OR6C3: variants seen among roughly 807,000 people sequenced by gnomAD.
OR6C3 encodes olfactory receptor family 6 subfamily C member 3.
For missense variants in OR6C3, 487 were observed against 364.6 expected, an observed-to-expected ratio of 1.34 and a Z score of -2.73; for synonymous variants, 177 against 137.4, an observed-to-expected ratio of 1.29 and a Z score of -2.02.
Position 55,331,753 on chromosome 12 carries a change from C to T in OR6C3, c.53C>T (p.Pro18Leu), listed in dbSNP as rs1414405074. ...GTCCTCCTGGGCCTTTCTGATGATC[C>T]TGACCTTCAGATTGTGATTTTTCTC... Reference protein sequence around the residue: ...EFVLLGLSDDPDLQIVIFLFL... With the variant: ...EFVLLGLSDDLDLQIVIFLFL... Residue 18 changes from proline (P) to leucine (L), a missense_variant, in exon 2 of 2, where the codon CCT becomes CTT. Coordinates refer to ENST00000641740, the MANE Select transcript of OR6C3 (RefSeq NM_001388498.1). 2 of 1,613,820 alleles carry T rather than the reference C, an allele frequency of 1.2e-6. No homozygotes were observed. The highest frequency in any genetic ancestry group is 1.7e-6 in the Non-Finnish European group (2 of 1,179,760).
rs1346963436 is a variant in OR6C3, at chr12:55,332,279, A to G, written c.579A>G (p.Glu193=). Residue 193 remains glutamate (E), a synonymous_variant, in exon 2 of 2, where the codon GAA becomes GAG. Transcript: ENST00000641740. The part of the protein sequence containing the change: ...QLSCSDTWLL[E]VIGFYFALVT... ...CTTGTTCAGATACATGGCTCCTAGA[A>G]GTAATTGGTTTTTACTTTGCTTTGG... is the stretch of plus-strand genomic sequence containing the variant. 1 of 1,614,034 alleles carries G rather than the reference A, an allele frequency of 6.2e-7. No homozygotes were observed.
intron 1 of OR6C3, among the ~76,000 whole-genome samples, chr12:55,331,122 T>G (rs1409407466): frequency 1.3e-5 from 2 of 151,296 alleles, no homozygotes; most frequent in African/African-American, 4.8e-5. Context: ...AAAAATAAAA[T>G]GAATAAATAA....
At position 55,332,394 on chromosome 12, in the gene OR6C3, A is replaced by G; in HGVS notation, c.694A>G (p.Lys232Glu). 6 of 1,614,142 alleles carry G rather than the reference A, an allele frequency of 3.7e-6. No individual in the cohort carries two copies. The East Asian group carries it at 1.1e-4, about 30-fold the overall frequency. The change falls in exon 2 of 2, where the codon AAA (lysine) becomes GAA (glutamate). Residue 232 changes from lysine to glutamate, a missense_variant. By Grantham distance (56) the Lys-to-Glu change is moderately conservative. Coordinates refer to ENST00000641740, the MANE Select transcript of OR6C3 (RefSeq NM_001388498.1). ...ILRIPSASQR[K>E]KAFSTCSSHM... ...GAGAATCCCGTCTGCCAGTCAAAGAAAAAAGGCTTTCTCCACTTGTTCTTC... is the reference window on the plus strand; with the variant it reads ...GAGAATCCCGTCTGCCAGTCAAAGAGAAAAGGCTTTCTCCACTTGTTCTTC...
Position 55,332,600 on chromosome 12 carries a change from T to A in OR6C3, c.900T>A (p.Asn300Lys). 1 of 1,604,836 alleles carries A rather than the reference T, an allele frequency of 6.2e-7. No homozygotes were observed. The highest frequency in any genetic ancestry group is 8.5e-7 in the Non-Finnish European group (1 of 1,178,210). The change falls in exon 2 of 2, where the codon AAT becomes AAA. Residue 300 changes from asparagine (N) to lysine (K), a missense_variant. Asn to Lys is a moderately conservative substitution (Grantham distance 94, BLOSUM62 0). Coordinates refer to ENST00000641740, the MANE Select transcript of OR6C3 (RefSeq NM_001388498.1). ...RNQQVKQAFK[N>K]VVHKVVFYAN... is the part of the protein sequence containing the mutation. ...AGCAAGTAAAACAAGCCTTCAAAAA[T>A]GTGGTCCACAAAGTTGTGTTTTATG...
Position 55,331,951 on chromosome 12 carries a change from C to A in OR6C3, c.251C>A (p.Thr84Asn), listed in dbSNP as rs781007293. 5.6e-6 allele frequency: 9 copies of A among 1,614,066 alleles called. No homozygotes were observed. The Middle Eastern group carries it at 4.9e-4, about 89-fold the overall frequency. ...CCCAGATTTCTGGGGGCAATTATCACCAGGAATAAGACTATTTCCTATAAC... is the reference window on the plus strand; with the variant it reads ...CCCAGATTTCTGGGGGCAATTATCAACAGGAATAAGACTATTTCCTATAAC... The part of the protein sequence containing the change: ...CIPRFLGAII[T>N]RNKTISYNNC... The change falls in exon 2 of 2, where the codon ACC becomes AAC. Residue 84 changes from threonine (T) to asparagine (N), a missense_variant. Coordinates refer to ENST00000641740, the MANE Select transcript of OR6C3 (RefSeq NM_001388498.1).
chr12:55,331,156 A>G (rs1375695039), intron 1 of OR6C3, among the ~76,000 whole-genome samples: 1 of 151,496 alleles, frequency 6.6e-6, no homozygotes, highest in Non-Finnish European at 1.5e-5. Flanking sequence ...TAATATAAAT[A>G]TATGTTTTAT....
chr12:55,332,006 C>T lies in OR6C3; in HGVS notation c.306C>T (p.Ile102=). Reference sequence around the variant, plus strand: ...GTGCAGCCCAACTCTTTTTCTTTATCTTCATGGGGGTGACTGAATTTTACA... The same window carrying T: ...GTGCAGCCCAACTCTTTTTCTTTATTTTCATGGGGGTGACTGAATTTTACA... ...NNCAAQLFFF[I]FMGVTEFYIL... is the part of the protein sequence containing the mutation. Residue 102 remains isoleucine (I), a synonymous_variant, in exon 2 of 2, where the codon ATC becomes ATT. Coordinates refer to ENST00000641740, the MANE Select transcript of OR6C3 (RefSeq NM_001388498.1). The T allele has an allele frequency of 1.9e-6, 3 of 1,614,124 alleles. No individual in the cohort carries two copies. The highest frequency in any genetic ancestry group is 2.5e-6 in the Non-Finnish European group (3 of 1,180,000).
At chr12:55,330,932 T>A (rs375491016) in intron 1 of OR6C3, 125 bp downstream of exon 1, 2 of 151,916 alleles carry the variant, frequency 1.3e-5, no homozygotes, top group East Asian at 1.9e-4. Flanking sequence ...TTCTTGTGAG[T>A]CATAGAAGAC....
chr12:55,331,765 T>A lies in OR6C3; in HGVS notation c.65T>A (p.Ile22Asn), dbSNP rs762370107. ...LGLSDDPDLQ[I>N]VIFLFLFITY... ...CTTTCTGATGATCCTGACCTTCAGA[T>A]TGTGATTTTTCTCTTTTTATTTATC... is the stretch of plus-strand genomic sequence containing the variant. Residue 22 changes from isoleucine (I) to asparagine (N), a missense_variant, in exon 2 of 2, where the codon ATT (isoleucine) becomes AAT (asparagine). Transcript: ENST00000641740. The A allele has an allele frequency of 3.1e-6, 5 of 1,613,974 alleles. No homozygotes were observed. Among genetic ancestry groups the A allele is most frequent in the Non-Finnish European group, 3.4e-6 (4 of 1,179,862 alleles).
chr12:55,332,614 T>G lies in OR6C3; in HGVS notation c.914T>G (p.Val305Gly), dbSNP rs1214172377. 6.3e-7 allele frequency: 1 copy of G among 1,592,840 alleles called. No individual in the cohort carries two copies. The highest frequency in any genetic ancestry group is 2.2e-5 in the East Asian group (1 of 44,718). Residue 305 changes from valine to glycine, a missense_variant, in exon 2 of 2, where the codon GTT (valine) becomes GGT (glycine). Val to Gly is a moderately radical substitution (Grantham distance 109, BLOSUM62 -3). Transcript: ENST00000641740. Reference sequence around the variant, plus strand: ...GCCTTCAAAAATGTGGTCCACAAAGTTGTGTTTTATGCAAATCAATGAATT... The same window carrying G: ...GCCTTCAAAAATGTGGTCCACAAAGGTGTGTTTTATGCAAATCAATGAATT... ...KQAFKNVVHK[V>G]VFYANQ
chr12:55,332,432 CA>C lies in OR6C3; in HGVS notation c.733del (p.Ile245PhefsTer23). ...CCACTTGTTCTTCTCACATGATTGT[CA>C]TTTCCATTTCTTATGGAAGCTGTAT... ...FSTCSSHMIV[I>X]SISYGSCIFM... is the part of the protein sequence containing the mutation. On this transcript the variant is annotated frameshift_variant, in exon 2 of 2. Transcript: ENST00000641740. LOFTEE classifies it low-confidence loss of function (END_TRUNC). 2.5e-6 allele frequency: 4 copies of C among 1,613,962 alleles called. No individual in the cohort carries two copies. The highest frequency in any genetic ancestry group is 2.5e-6 in the Non-Finnish European group (3 of 1,179,910).
At position 55,332,536 on chromosome 12, in the gene OR6C3, C is replaced by A; in HGVS notation, c.836C>A (p.Ala279Asp). Residue 279 changes from alanine to aspartate, a missense_variant, in exon 2 of 2, where the codon GCC becomes GAC. By Grantham distance (126) the Ala-to-Asp change is moderately radical. Coordinates refer to ENST00000641740, the MANE Select transcript of OR6C3 (RefSeq NM_001388498.1). Reference protein sequence around the residue: ...KGIAILNTSVAPMLNPFIYTL... With the variant: ...KGIAILNTSVDPMLNPFIYTL... ...ATAGCTATTCTCAATACATCTGTTGCCCCCATGCTGAACCCCTTCATTTAC... is the reference window on the plus strand; with the variant it reads ...ATAGCTATTCTCAATACATCTGTTGACCCCATGCTGAACCCCTTCATTTAC... 1 of 1,613,426 alleles carries A rather than the reference C, an allele frequency of 6.2e-7. No homozygotes were observed. Among genetic ancestry groups the A allele is most frequent in the Non-Finnish European group, 8.5e-7 (1 of 1,179,842 alleles).
At position 55,332,495 on chromosome 12, in the gene OR6C3, A is replaced by G. The variant is rs1310310494; in HGVS notation, c.795A>G (p.Ala265=). 3 of 1,614,000 alleles carry G rather than the reference A, an allele frequency of 1.9e-6. No individual in the cohort carries two copies. Among genetic ancestry groups the G allele is most frequent in the East Asian group, 2.2e-5 (1 of 44,860 alleles). The change falls in exon 2 of 2, where the codon GCA becomes GCG. Residue 265 remains alanine, a synonymous_variant. Transcript: ENST00000641740. ...MYANPSAKEK[A]SLTKGIAILN... The stretch of plus-strand genomic sequence containing the variant: ...CTAATCCATCTGCAAAAGAAAAGGC[A>G]TCATTGACAAAAGGAATAGCTATTC...
At chr12:55,331,086 G>C (rs1325849803) in intron 1 of OR6C3, among the ~76,000 whole-genome samples, 2 of 150,878 alleles carry the variant, frequency 1.3e-5, no homozygotes, top group African/African-American at 2.4e-5. Flanking sequence ...CTATTATCTT[G>C]ACAATTAGAC....
In OR6C3 at chr12:55,331,731, C is replaced by T. The variant is rs1205608317; in HGVS notation, c.31C>T (p.Leu11Phe). 4 of 1,613,156 alleles carry T rather than the reference C, an allele frequency of 2.5e-6. No homozygotes were observed. The highest frequency in any genetic ancestry group is 1.3e-5 in the African/African-American group (1 of 74,844). Residue 11 changes from leucine to phenylalanine, a missense_variant, in exon 2 of 2, where the codon CTC (leucine) becomes TTC (phenylalanine). Coordinates refer to ENST00000641740, the MANE Select transcript of OR6C3 (RefSeq NM_001388498.1). MNHTMVTEFV[L>F]LGLSDDPDLQ... ...CCACACAATGGTCACAGAGTTTGTC[C>T]TCCTGGGCCTTTCTGATGATCCTGA...
Position 55,331,830 on chromosome 12 carries a change from A to T in OR6C3, c.130A>T (p.Thr44Ser). The T allele has an allele frequency of 6.2e-7, 1 of 1,613,804 alleles. No individual in the cohort carries two copies. The highest frequency in any genetic ancestry group is 8.5e-7 in the Non-Finnish European group (1 of 1,179,880). Residue 44 changes from threonine (T) to serine (S), a missense_variant, in exon 2 of 2, where the codon ACC becomes TCC. Thr to Ser is a moderately conservative substitution (Grantham distance 58, BLOSUM62 1). Transcript: ENST00000641740. ...TGTTACTGGAAACCTGACTATCATC[A>T]CCCTAACCTTTGTGGACTCCCATCT... ...LSVTGNLTII[T>S]LTFVDSHLQT...
At position 55,331,666 on chromosome 12, in the gene OR6C3, G is replaced by T. The variant is rs374267424; in HGVS notation, c.-35G>T. The T allele has an allele frequency of 2.2e-6, 3 of 1,339,510 alleles. No individual in the cohort carries two copies. The African/African-American group carries it at 4.4e-5, about 20-fold the overall frequency. 83.0% of individuals were successfully genotyped at this position (1,339,510 alleles called of 1,614,324 possible). On this transcript the variant is annotated 5_prime_UTR_variant, in exon 2 of 2. Coordinates refer to ENST00000641740, the MANE Select transcript of OR6C3 (RefSeq NM_001388498.1). ...AAAATATCTTTAAAAGAACAAAAAG[G>T]AGAGTGGAAGAAGGAGAGAGAGAAA...
chr12:55,331,633 A>G, intron 1 of OR6C3, 24 bp from the exon 2 acceptor site: 1 of 978,982 alleles, frequency 1.0e-6, no homozygotes, highest in South Asian at 1.7e-5. Flanking sequence ...CTTAATTATC[A>G]TTCTACCAAA....
chr12:55,332,585 A>C lies in OR6C3; in HGVS notation c.885A>C (p.Lys295Asn). 1 of 1,608,572 alleles carries C rather than the reference A, an allele frequency of 6.2e-7. No individual in the cohort carries two copies. Among genetic ancestry groups the C allele is most frequent in the African/African-American group, 1.3e-5 (1 of 74,942 alleles). The part of the protein sequence containing the change: ...FIYTLRNQQV[K>N]QAFKNVVHKV... ...ACACTCTGAGAAACCAGCAAGTAAA[A>C]CAAGCCTTCAAAAATGTGGTCCACA... Residue 295 changes from lysine to asparagine, a missense_variant, in exon 2 of 2, where the codon AAA (lysine) becomes AAC (asparagine). Coordinates refer to ENST00000641740, the MANE Select transcript of OR6C3 (RefSeq NM_001388498.1).
Sources: gnomAD v4.1 joint callset for allele counts (sites outside exome capture counted in the v4.1 genomes callset) on GRCh38, gnomAD v4.1.1 for gene constraint, MANE v1.5 for transcripts, NCBI Gene and HGNC (gene_info 2026-07-23, HGNC 2026-07-21) for gene names.